Variants in ELP4 observed in about 807,000 individuals in gnomAD.
ELP4 encodes elongator acetyltransferase complex subunit 4.
Under a neutral mutation model 48.9 loss-of-function variants are expected in ELP4, and 51 were observed. The observed-to-expected ratio is 1.04, with a 90% confidence interval of 0.83 to 1.32. The LOEUF (loss-of-function observed/expected upper bound fraction) is 1.32, where lower values mean the gene tolerates loss of function less well. ELP4 is among the 40% of genes most tolerant of loss of function. ELP4 has a pLI of 0.00. For synonymous variants in ELP4, 210 were observed against 189.2 expected (o/e 1.11, Z -0.90); for missense variants, 519 against 514.6 (o/e 1.01, Z -0.08).
At chr11:31,539,418 A>C (rs553473055) in intron 2 of ELP4, among the ~76,000 whole-genome samples, 3 of 152,042 alleles carry the variant, frequency 2.0e-5, no homozygotes, top group Non-Finnish European at 4.4e-5. Context: ...GCGCCACTGC[A>C]CCTCCAGCCT....
intron 3 of ELP4, among the ~76,000 whole-genome samples, chr11:31,555,753 A>T (rs902185021): frequency 6.6e-6 from 1 of 151,978 alleles, no homozygotes. Flanking sequence ...AAAAAATGAT[A>T]TTGAATACCA....
intron 7 of ELP4, chr11:31,637,367 C>T (rs990621581): frequency 7.3e-5 from 11 of 151,502 alleles, no homozygotes; most frequent in African/African-American, 2.4e-4. Flanking sequence ...AGGAGGTTGT[C>T]GTGGATTGAA....
intron 9 of ELP4, among the ~76,000 whole-genome samples, chr11:31,728,457 A>C (rs1947121131): frequency 6.6e-6 from 1 of 152,228 alleles, no homozygotes; most frequent in African/African-American, 2.4e-5. Flanking sequence ...TAATTGTGAC[A>C]AACATAAATG....
intron 5 of ELP4, among the ~76,000 whole-genome samples, chr11:31,608,596 G>T (rs1000878397): frequency 4.6e-5 from 7 of 151,780 alleles, no homozygotes; most frequent in Middle Eastern, 3.4e-3. Flanking sequence ...GTGCTGGGTG[G>T]GGGGGTCAGG....
chr11:31,525,623 G>C (rs374556895), intron 2 of ELP4, among the ~76,000 whole-genome samples: 2 of 152,132 alleles, frequency 1.3e-5, no homozygotes, highest in African/African-American at 4.8e-5. Context: ...TTTAGGACTA[G>C]TGAGAAGGTA....
intron 7 of ELP4, chr11:31,634,071 A>G (rs1377349091): frequency 1.3e-5 from 2 of 152,030 alleles, no homozygotes; most frequent in East Asian, 1.9e-4. Flanking sequence ...TGATTATCCA[A>G]TATCCCATAT....
In ELP4 at chr11:31,713,767, T is replaced by C. The variant is rs145050172; in HGVS notation, c.1143+63546T>C. On this transcript the variant is annotated intron_variant, in intron 9 of 9. Transcript: ENST00000640961. The stretch of plus-strand genomic sequence containing the variant: ...TAGTTGTATTTATTTTTAACTATTA[T>C]AGAAAATTTCAAACATACACAAAAG... Among the ~76,000 whole-genome samples the C allele has an allele frequency of 1.8e-3, 272 of 152,272 alleles. 7 individuals carry two copies. In the East Asian group the frequency reaches 0.04, roughly 22 times the overall value.
intron 2 of ELP4, among the ~76,000 whole-genome samples, chr11:31,538,280 T>A (rs1478975993): frequency 6.7e-6 from 1 of 148,648 alleles, no homozygotes; most frequent in Non-Finnish European, 1.5e-5. Flanking sequence ...TAATGCAATA[T>A]AATTATAGAA....
intron 5 of ELP4, among the ~76,000 whole-genome samples, chr11:31,620,100 T>C (rs1944588238): frequency 6.6e-6 from 1 of 152,030 alleles, no homozygotes; most frequent in South Asian, 2.1e-4. Flanking sequence ...GACATTGTCA[T>C]CTAGGAGAGT....
rs1565180804 is a variant in ELP4, at chr11:31,789,864, T to G, written c.*6340T>G. ...TTTCTTTCTTTCCTGAAAGCTCAAC[T>G]GTTGTGTCCCCATAGTCACTGACTG... On this transcript the variant is annotated 3_prime_UTR_variant, in exon 10 of 10. Transcript: ENST00000640961. The G allele has an allele frequency of 7.3e-7, 1 of 1,374,816 alleles. No homozygotes were observed. The highest frequency in any genetic ancestry group is 1.0e-6 in the Non-Finnish European group (1 of 981,062). The allele number at this position is 1,374,816 out of a possible 1,614,324, so 85.2% of individuals were successfully genotyped here. A position where few individuals can be genotyped will look rare whatever the true frequency, so the allele number is the denominator to read the frequency against.
At chr11:31,519,969 G>T in intron 1 of ELP4, 87 bp from the exon 2 acceptor site, 1 of 1,246,760 alleles carries the variant, frequency 8.0e-7, no homozygotes, top group Non-Finnish European at 1.2e-6. Context: ...AGTTATTGAA[G>T]TGCCTTTCCT....
intron 3 of ELP4, among the ~76,000 whole-genome samples, chr11:31,549,485 C>T (rs1358990848): frequency 6.6e-6 from 1 of 151,698 alleles, no homozygotes; most frequent in Non-Finnish European, 1.5e-5. Flanking sequence ...AGTCAGGAAA[C>T]AACAGGTGCT....
chr11:31,574,675 T>C (rs1249128379), intron 3 of ELP4, among the ~76,000 whole-genome samples: 4 of 152,160 alleles, frequency 2.6e-5, no homozygotes, highest in African/African-American at 4.8e-5. Flanking sequence ...GCAAACAGGG[T>C]CTGGAGTGGA....
At chr11:31,622,616 C>A (rs1201703338) in intron 5 of ELP4, among the ~76,000 whole-genome samples, 1 of 151,510 alleles carries the variant, frequency 6.6e-6, no homozygotes, top group Non-Finnish European at 1.5e-5. Context: ...ACAGCAAAAC[C>A]AATGCAGTTT....
intron 3 of ELP4, among the ~76,000 whole-genome samples, chr11:31,579,898 A>T (rs889957357): frequency 2.0e-5 from 3 of 152,158 alleles, no homozygotes; most frequent in Admixed American, 2.0e-4. Flanking sequence ...ACAAACCTGC[A>T]CATTGTGCAC....
chr11:31,776,581 T>G (rs1948252634), intron 9 of ELP4, among the ~76,000 whole-genome samples: 4 of 152,226 alleles, frequency 2.6e-5, no homozygotes, highest in Admixed American at 1.3e-4. Context: ...CACTTTTGTT[T>G]AGACAAGTGA....
At chr11:31,564,011 A>G (rs889116332) in intron 3 of ELP4, among the ~76,000 whole-genome samples, 7 of 152,184 alleles carry the variant, frequency 4.6e-5, no homozygotes, top group Admixed American at 6.5e-5. Context: ...TTTTATCAAA[A>G]CACTAATTAA....
At chr11:31,520,346 T>A (rs764920621) in intron 2 of ELP4, among the ~76,000 whole-genome samples, 10 of 152,172 alleles carry the variant, frequency 6.6e-5, no homozygotes, top group Admixed American at 2.0e-4. Context: ...TCCATTTTTT[T>A]AAAAAGACTA....
intron 9 of ELP4, among the ~76,000 whole-genome samples, chr11:31,721,359 G>A (rs1370159213): frequency 6.6e-6 from 1 of 152,028 alleles, no homozygotes; most frequent in African/African-American, 2.4e-5. Flanking sequence ...ATATTAACCT[G>A]TTGCCATTAA....
Sources: gnomAD v4.1 joint callset for allele counts (sites outside exome capture counted in the v4.1 genomes callset) on GRCh38, gnomAD v4.1.1 for gene constraint, MANE v1.5 for transcripts, NCBI Gene and HGNC (gene_info 2026-07-23, HGNC 2026-07-21) for gene names.